Variants in UBR2 observed in about 807,000 individuals in gnomAD.
The protein encoded by UBR2 is ubiquitin protein ligase E3 component n-recognin 2, also known as E3 ubiquitin-protein ligase UBR2.
UBR2 carries 92 observed loss-of-function variants against 247.9 expected under a neutral mutation model. The ratio of observed to expected loss-of-function variants is 0.37; its 90% CI spans 0.31 to 0.44. The LOEUF (loss-of-function observed/expected upper bound fraction) is 0.44. Ranked by LOEUF, UBR2 falls within the 20% of genes least tolerant of loss-of-function variation. The pLI, the probability that UBR2 is intolerant of heterozygous loss-of-function variation, is 1.00. For missense variants in UBR2, 1,613 were observed against 2,112.6 expected, an observed-to-expected ratio of 0.76 and a Z score of 4.64; for synonymous variants, 672 against 693.5, an observed-to-expected ratio of 0.97 and a Z score of 0.49.
At chr6:42,618,794 A>G (rs947560863) in intron 11 of UBR2, among the ~76,000 whole-genome samples, 1 of 152,172 alleles carries the variant, frequency 6.6e-6, no homozygotes, top group Non-Finnish European at 1.5e-5. Context: ...CATGGGGGAT[A>G]TTTTTAGGTG....
intron 34 of UBR2, among the ~76,000 whole-genome samples, chr6:42,666,503 A>G (rs1798114057): frequency 6.6e-6 from 1 of 152,180 alleles, no homozygotes; most frequent in Non-Finnish European, 1.5e-5. Flanking sequence ...AACAACAACA[A>G]AAAAAGTTTA....
chr6:42,655,185 T>C (rs1220835809), intron 25 of UBR2, among the ~76,000 whole-genome samples: 1 of 152,122 alleles, frequency 6.6e-6, no homozygotes, highest in Non-Finnish European at 1.5e-5. Flanking sequence ...TAATAAAAAT[T>C]AGTACTTCAA....
chr6:42,658,959 T>A, intron 29 of UBR2, 135 bp downstream of exon 29: 1 of 987,238 alleles, frequency 1.0e-6, no homozygotes, highest in Non-Finnish European at 1.4e-6. Context: ...TTTTGTGACC[T>A]CCATTTAGAA....
At chr6:42,608,661 G>C (rs898734555) in intron 7 of UBR2, among the ~76,000 whole-genome samples, 2 of 151,994 alleles carry the variant, frequency 1.3e-5, no homozygotes, top group Non-Finnish European at 2.9e-5. Context: ...AAAAAAACTT[G>C]CCAATCTGAT....
At chr6:42,616,266 C>T (rs982266754) in intron 10 of UBR2, among the ~76,000 whole-genome samples, 176 bp downstream of exon 10, 4 of 151,794 alleles carry the variant, frequency 2.6e-5, no homozygotes, top group Non-Finnish European at 4.4e-5. Context: ...AAATTTTAGC[C>T]GTGAGACTCC....
chr6:42,655,749 T>A, intron 26 of UBR2, 26 bp downstream of exon 26: 1 of 1,290,776 alleles, frequency 7.7e-7, no homozygotes, highest in Non-Finnish European at 1.1e-6. Context: ...TTTACTAAAC[T>A]AACTCAAGAT....
Position 42,676,792 on chromosome 6 carries a change from G to T in UBR2, c.4397G>T (p.Gly1466Val), listed in dbSNP as rs757179662. 3.1e-6 allele frequency: 5 copies of T among 1,613,644 alleles called. No homozygotes were observed. The Admixed American group carries it at 8.3e-5, about 27-fold the overall frequency. Residue 1466 changes from glycine (G) to valine (V), a missense_variant, in exon 40 of 47, where the codon GGC becomes GTC. This residue lies in a region of UBR2 where 1,524 missense variants were observed against 1,967.3 expected (regional missense o/e 0.77). Coordinates refer to ENST00000372901, the MANE Select transcript of UBR2 (RefSeq NM_001363705.2). ...TTTCCTTATCTTTCAGAAGAGAATG[G>T]CATGGATCAAGAAAATCCCCCTTGT... ...ILLTSCTEENGMDQENPPCEE... is the reference protein window; with the variant it reads ...ILLTSCTEENVMDQENPPCEE...
At chr6:42,635,136 C>T (rs1796007587) in intron 13 of UBR2, among the ~76,000 whole-genome samples, 1 of 152,074 alleles carries the variant, frequency 6.6e-6, no homozygotes, top group Non-Finnish European at 1.5e-5. Context: ...AGGATTATTG[C>T]AGTGAAATAT....
At chr6:42,646,112 C>T (rs1215162754) in intron 21 of UBR2, among the ~76,000 whole-genome samples, 1 of 152,136 alleles carries the variant, frequency 6.6e-6, no homozygotes, top group Non-Finnish European at 1.5e-5. Context: ...TAAATTGCAA[C>T]TGTTTTTCCT....
At chr6:42,620,080 G>A (rs9296394) in intron 11 of UBR2, 243,003 of 877,634 alleles carry the variant, frequency 0.28, 34,561 homozygotes, top group East Asian at 0.46. Context: ...AGATTAAATA[G>A]GTTCTACCAG....
intron 1 of UBR2, among the ~76,000 whole-genome samples, chr6:42,567,989 GTGAGCTA>G (rs1790883630): frequency 6.6e-6 from 1 of 152,192 alleles, no homozygotes; most frequent in South Asian, 2.1e-4. Context: ...AGAAGTTACA[GTGAGCTA>G]TGATCATGCC....
chr6:42,614,270 A>G (rs1271639031), intron 8 of UBR2, among the ~76,000 whole-genome samples: 3 of 144,936 alleles, frequency 2.1e-5, no homozygotes, highest in Non-Finnish European at 3.0e-5. Flanking sequence ...ATACACACAC[A>G]CGTACATATA....
chr6:42,616,782 T>C (rs1455023520), intron 10 of UBR2, among the ~76,000 whole-genome samples: 1 of 152,184 alleles, frequency 6.6e-6, no homozygotes, highest in Non-Finnish European at 1.5e-5. Context: ...CTTGGAGAGC[T>C]CTTTCAAAAT....
chr6:42,655,008 T>C (rs1797353743), intron 25 of UBR2, among the ~76,000 whole-genome samples: 1 of 152,320 alleles, frequency 6.6e-6, no homozygotes, highest in East Asian at 1.9e-4. Context: ...GTCTGTAGTA[T>C]AGGTATAGAA....
In UBR2 at chr6:42,567,841, G is replaced by A. The variant is rs563427589; in HGVS notation, c.78+3444G>A. ...GCTTAAGTCTAAGAGTTTGAGACCAGCCTGGGCAACATTAGCTATACCCTG... is the reference window on the plus strand; with the variant it reads ...GCTTAAGTCTAAGAGTTTGAGACCAACCTGGGCAACATTAGCTATACCCTG... On this transcript the variant is annotated intron_variant, in intron 1 of 46. Coordinates refer to ENST00000372901, the MANE Select transcript of UBR2 (RefSeq NM_001363705.2). 7.9e-5 allele frequency among the ~76,000 whole-genome samples: 12 copies of A among 151,990 alleles called. No homozygotes were observed. The South Asian group carries it at 1.7e-3, about 21-fold the overall frequency.
intron 25 of UBR2, among the ~76,000 whole-genome samples, chr6:42,655,249 G>T (rs568461749): frequency 2.1e-4 from 32 of 152,042 alleles, no homozygotes; most frequent in Admixed American, 2.1e-3. Flanking sequence ...AGGCCAAGGT[G>T]GGCGGATCAC....
Position 42,615,082 on chromosome 6 carries a change from C to T in UBR2, c.997C>T (p.Arg333Trp), listed in dbSNP as rs765753135. ...SIIGYSDGLR[R>W]ILCQVGLQEG... ...CCTTCTATTTAAAGATGGCCTTCGC[C>T]GGATTTTATGTCAAGTTGGTTTACA... The change falls in exon 9 of 47, where the codon CGG (arginine) becomes TGG (tryptophan). Residue 333 changes from arginine to tryptophan, a missense_variant. Arg to Trp is a moderately radical substitution (Grantham distance 101). Coordinates refer to ENST00000372901, the MANE Select transcript of UBR2 (RefSeq NM_001363705.2). 4.5e-5 allele frequency: 72 copies of T among 1,612,444 alleles called. No individual in the cohort carries two copies. The highest frequency in any genetic ancestry group is 5.8e-5 in the Non-Finnish European group (68 of 1,179,370).
intron 1 of UBR2, among the ~76,000 whole-genome samples, chr6:42,566,904 T>G (rs1393400787): frequency 6.6e-6 from 1 of 152,234 alleles, no homozygotes; most frequent in Admixed American, 6.5e-5. Flanking sequence ...AATCTTGCCT[T>G]ACTTTGTGAG....
At chr6:42,564,539 C>T in intron 1 of UBR2, 142 bp downstream of exon 1, 1 of 879,882 alleles carries the variant, frequency 1.1e-6, no homozygotes, top group Non-Finnish European at 1.7e-6. Context: ...GGGGTAATAG[C>T]CCGGGGAGGC....
Sources: gnomAD v4.1 joint callset for allele counts (sites outside exome capture counted in the v4.1 genomes callset) on GRCh38, gnomAD v4.1.1 for gene constraint, gnomAD v4.1.1 regional missense constraint, MANE v1.5 for transcripts, NCBI Gene and HGNC (gene_info 2026-07-23, HGNC 2026-07-21) for gene names.